The following SYNPR variants were observed in gnomAD, a reference collection of about 807,000 sequenced individuals.
The protein encoded by SYNPR is synaptoporin.
A neutral mutation model predicts 32.9 loss-of-function variants in SYNPR; 23 were observed. The observed-to-expected ratio is 0.70, with a 90% CI of 0.50 to 0.99. The LOEUF is 0.99. Ranked by LOEUF, SYNPR falls within the 50% of genes least tolerant of loss-of-function variation. The probability of loss-of-function intolerance (pLI) is 0.00; values close to 1 mark genes in which losing one functional copy is unlikely to be tolerated. For synonymous variants in SYNPR, 146 were observed against 135.9 expected, an observed-to-expected ratio of 1.07 and a Z score of -0.52; for missense variants, 318 against 349.3, an observed-to-expected ratio of 0.91 and a Z score of 0.71.
At chr3:63,245,902 C>A (rs1436945867) in intron 1 of SYNPR, among the ~76,000 whole-genome samples, 5 of 151,992 alleles carry the variant, frequency 3.3e-5, no homozygotes, top group African/African-American at 1.2e-4. Context: ...CTGATTAAAG[C>A]ACGACCTCTG....
Position 63,451,022 on chromosome 3 carries a change from C to T in SYNPR, c.85-29810C>T, listed in dbSNP as rs577061677. Among the ~76,000 whole-genome samples, 11 of 152,008 alleles carry T rather than the reference C, an allele frequency of 7.2e-5. No homozygotes were observed. The South Asian group carries it at 1.9e-3, about 26-fold the overall frequency. ...GAAATAGGTCCAAATCCCGGCTCTG[C>T]GATATAGGGGTATGTATGGCCTTAG... On this transcript the variant is annotated intron_variant, in intron 2 of 5. Coordinates refer to ENST00000478300, the MANE Select transcript of SYNPR (RefSeq NM_001130003.2).
At chr3:63,261,274 T>C (rs2086435722) in intron 2 of SYNPR, among the ~76,000 whole-genome samples, 1 of 152,138 alleles carries the variant, frequency 6.6e-6, no homozygotes, top group Admixed American at 6.5e-5. Flanking sequence ...CATGTATGTT[T>C]ATTGCGGCAC....
At chr3:63,259,522 A>C (rs1014841014) in intron 2 of SYNPR, among the ~76,000 whole-genome samples, 2 of 152,202 alleles carry the variant, frequency 1.3e-5, no homozygotes, top group Non-Finnish European at 2.9e-5. Flanking sequence ...AAAATTCAAC[A>C]GCCCTTCATG....
At chr3:63,582,468 A>C (rs536536217) in intron 4 of SYNPR, among the ~76,000 whole-genome samples, 1 of 152,220 alleles carries the variant, frequency 6.6e-6, no homozygotes, top group East Asian at 1.9e-4. Context: ...ATAATATGCA[A>C]ATTTAGCTAA....
chr3:63,288,300 C>G (rs557429228), intron 2 of SYNPR, among the ~76,000 whole-genome samples: 1 of 152,170 alleles, frequency 6.6e-6, no homozygotes, highest in Non-Finnish European at 1.5e-5. Flanking sequence ...GCGATCATGA[C>G]GATCCTTTAA....
chr3:63,449,791 C>CT (rs1173803425), intron 2 of SYNPR, among the ~76,000 whole-genome samples: 1 of 152,220 alleles, frequency 6.6e-6, no homozygotes, highest in Non-Finnish European at 1.5e-5. Context: ...TTGCATAACA[C>CT]TTTACCACAT....
At chr3:63,515,537 A>T (rs1222344527) in intron 3 of SYNPR, among the ~76,000 whole-genome samples, 1 of 152,116 alleles carries the variant, frequency 6.6e-6, no homozygotes. Context: ...TCTTTCCTCA[A>T]GTGGAAAATT....
rs1315976439 is a variant in SYNPR at position 63,408,360 on chromosome 3, G to GAAAA, written c.85-72469_85-72468insAAAA. Among the ~76,000 whole-genome samples, 3 of 149,978 alleles carry GAAAA rather than the reference G, an allele frequency of 2.0e-5. No homozygotes were observed. In the East Asian group the frequency reaches 6.3e-4, roughly 31 times the overall value. On this transcript the variant is annotated intron_variant, in intron 2 of 5. Coordinates refer to ENST00000478300, the MANE Select transcript of SYNPR (RefSeq NM_001130003.2). ...AGAAAGAAAGAAAGAAAGAAAGAAA[G>GAAAA]AAAGAAAGAAAGAAAGAAAGAAAAG...
intron 3 of SYNPR, among the ~76,000 whole-genome samples, chr3:63,515,997 C>T (rs566910772): frequency 3.9e-5 from 6 of 152,002 alleles, no homozygotes; most frequent in African/African-American, 9.6e-5. Flanking sequence ...ACAATGAATT[C>T]GGCTAATATA....
At chr3:63,503,109 G>A (rs1701514831) in intron 3 of SYNPR, among the ~76,000 whole-genome samples, 1 of 152,098 alleles carries the variant, frequency 6.6e-6, no homozygotes, top group Non-Finnish European at 1.5e-5. Context: ...AACATTTGGT[G>A]CTATCAGTGT....
chr3:63,330,015 T>C (rs2087208688), intron 2 of SYNPR: 1 of 152,440 alleles, frequency 6.6e-6, no homozygotes, highest in Non-Finnish European at 1.5e-5. Context: ...GCAGGTATTT[T>C]AGCATCAACT....
At chr3:63,480,727 G>C (rs1160700548) in intron 2 of SYNPR, 105 bp from the exon 3 acceptor site, 1 of 1,406,526 alleles carries the variant, frequency 7.1e-7, no homozygotes, top group African/African-American at 1.4e-5. Flanking sequence ...TCTTCAGAAG[G>C]ACCATAAATT....
the SYNPR span, among the ~76,000 whole-genome samples, chr3:63,219,435 G>C: frequency 2.0e-5 from 3 of 152,062 alleles, no homozygotes; most frequent in Admixed American, 1.3e-4. Flanking sequence ...ATTTGATATG[G>C]GAAACCTTTG....
At chr3:63,494,446 T>TATATAC (rs370257410) in intron 3 of SYNPR, among the ~76,000 whole-genome samples, 7 of 106,870 alleles carry the variant, frequency 6.6e-5, no homozygotes, top group South Asian at 2.9e-4. Context: ...TATATATATA[T>TATATAC]ACACATATAT....
At chr3:63,521,916 G>A (rs926699032) in intron 3 of SYNPR, among the ~76,000 whole-genome samples, 4 of 152,130 alleles carry the variant, frequency 2.6e-5, no homozygotes, top group African/African-American at 9.7e-5. Context: ...CAGTGCTTCC[G>A]ACTGGCCAAA....
chr3:63,499,433 G>A (rs748067839), intron 3 of SYNPR, among the ~76,000 whole-genome samples: 1 of 152,050 alleles, frequency 6.6e-6, no homozygotes, highest in African/African-American at 2.4e-5. Flanking sequence ...TCTTATTTGG[G>A]GAATTTGCAC....
chr3:63,282,833 T>C (rs898310511), intron 2 of SYNPR, among the ~76,000 whole-genome samples: 2 of 152,244 alleles, frequency 1.3e-5, no homozygotes, highest in Admixed American at 1.3e-4. Flanking sequence ...AACCAGTATT[T>C]ATCCTTTGAA....
Position 63,577,873 on chromosome 3 carries a change from G to A in SYNPR, c.408+21132G>A, listed in dbSNP as rs554747998. Among the ~76,000 whole-genome samples the A allele has an allele frequency of 2.0e-3, 309 of 152,194 alleles. 7 individuals carry two copies. The highest frequency in any genetic ancestry group is 1.4e-3 in the East Asian group (7 of 5,168). ...AGGAGACGGGTATTAGCAAGCCTGC[G>A]TTTTTAAAAGCTTTTGTTAACAATT... On this transcript the variant is annotated intron_variant, in intron 4 of 5. Coordinates refer to ENST00000478300, the MANE Select transcript of SYNPR (RefSeq NM_001130003.2).
Position 63,473,827 on chromosome 3 carries a change from C to T in SYNPR, c.85-7005C>T, listed in dbSNP as rs565648274. On this transcript the variant is annotated intron_variant, in intron 2 of 5. Transcript: ENST00000478300. ...GGAGACAGCCAGAGAGACTAGAATGCGGTAAGCTAGAAGCTGAGATCAGGT... is the reference window on the plus strand; with the variant it reads ...GGAGACAGCCAGAGAGACTAGAATGTGGTAAGCTAGAAGCTGAGATCAGGT... Among the ~76,000 whole-genome samples the T allele has an allele frequency of 8.5e-5, 13 of 152,248 alleles. No individual in the cohort carries two copies. The South Asian group carries it at 1.5e-3, about 17-fold the overall frequency.
Sources: gnomAD v4.1 joint callset for allele counts (sites outside exome capture counted in the v4.1 genomes callset) on GRCh38, gnomAD v4.1.1 for gene constraint, MANE v1.5 for transcripts, NCBI Gene and HGNC (gene_info 2026-07-23, HGNC 2026-07-21) for gene names.